Variants in DLGAP1 observed in about 807,000 individuals in gnomAD.
DLGAP1 encodes the protein DLG associated protein 1.
DLGAP1 carries 11 observed loss-of-function variants against 90.8 expected under a neutral mutation model. The observed-to-expected ratio is 0.12, with a 90% CI of 0.08 to 0.20. The LOEUF is 0.20. Ranked by LOEUF, DLGAP1 falls within the 10% of genes least tolerant of loss-of-function variation. DLGAP1 has a pLI of 1.00. For synonymous variants in DLGAP1, 558 were observed against 540.7 expected (o/e 1.03, Z -0.44); for missense variants, 1,050 against 1,333.8 (o/e 0.79, Z 3.31).
chr18:4,251,179 A>T (rs1037480099), intron 1 of DLGAP1, among the ~76,000 whole-genome samples: 1 of 152,214 alleles, frequency 6.6e-6, no homozygotes, highest in African/African-American at 2.4e-5. Context: ...GGAGAGATAG[A>T]TAGACAGAGA....
chr18:4,121,233 G>A (rs1568408144), intron 2 of DLGAP1, among the ~76,000 whole-genome samples: 1 of 152,108 alleles, frequency 6.6e-6, no homozygotes, highest in Non-Finnish European at 1.5e-5. Flanking sequence ...AACAGCAAGA[G>A]CAGAATCCCT....
intron 5 of DLGAP1, chr18:3,774,748 A>G (rs551950883): frequency 7.9e-5 from 12 of 152,342 alleles, no homozygotes; most frequent in Admixed American, 1.3e-4. Context: ...GTACCCCAAA[A>G]TATGGAGCTC....
intron 3 of DLGAP1, among the ~76,000 whole-genome samples, chr18:3,987,961 T>C (rs761148599): frequency 2.0e-5 from 3 of 152,148 alleles, no homozygotes; most frequent in Non-Finnish European, 4.4e-5. Flanking sequence ...GGGCGGGGGA[T>C]GGTTTCGGGA....
chr18:3,880,944 GAAAAAAAAAAAA>G (rs1173817359), intron 3 of DLGAP1, among the ~76,000 whole-genome samples: 1 of 38,360 alleles, frequency 2.6e-5, no homozygotes, highest in Non-Finnish European at 5.3e-5. Context: ...CTCCATCTCA[GAAAAAAAAAAAA>G]AAAAAAAAAA....
At chr18:4,114,904 A>G (rs565746073) in intron 2 of DLGAP1, among the ~76,000 whole-genome samples, 2 of 152,130 alleles carry the variant, frequency 1.3e-5, no homozygotes, top group Admixed American at 1.3e-4. Flanking sequence ...TTCCAGTCTG[A>G]TAGTCTCTGC....
rs545793621 is a variant in DLGAP1, at chr18:3,975,207, A to G, written c.-73+29909T>C. 1.4e-4 allele frequency among the ~76,000 whole-genome samples: 21 copies of G among 152,152 alleles called. No homozygotes were observed. The South Asian group carries it at 3.1e-3, about 23-fold the overall frequency. On this transcript the variant is annotated intron_variant, in intron 3 of 12. Transcript: ENST00000315677. ...TTTTTAATTACAATTAAAAATAAAAATTATATATATAAATACATATGCAAA... is the reference window on the plus strand; with the variant it reads ...TTTTTAATTACAATTAAAAATAAAAGTTATATATATAAATACATATGCAAA...
chr18:3,581,849 C>A, intron 8 of DLGAP1, 26 bp downstream of exon 8: 1 of 1,604,858 alleles, frequency 6.2e-7, no homozygotes, highest in African/African-American at 1.3e-5. Context: ...GTTCCTATTT[C>A]AAAGGATAGA....
chr18:3,669,136 T>TTTTTTTTTTTTTTTTTTTTTTTGAG (rs1555622089), intron 7 of DLGAP1, among the ~76,000 whole-genome samples: 1 of 151,404 alleles, frequency 6.6e-6, no homozygotes. Flanking sequence ...TTTCAGTCTT[T>TTTTTTTTTTTTTTTTTTTTTTTGAG]AAGAAAGACA....
intron 7 of DLGAP1, among the ~76,000 whole-genome samples, chr18:3,611,652 C>T (rs1295789857): frequency 6.6e-6 from 1 of 152,172 alleles, no homozygotes; most frequent in East Asian, 1.9e-4. Context: ...GCAGAACTTA[C>T]CACGCGTTTC....
chr18:4,385,211 T>C (rs1409035064), intron 1 of DLGAP1, among the ~76,000 whole-genome samples: 1 of 152,162 alleles, frequency 6.6e-6, no homozygotes, highest in African/African-American at 2.4e-5. Flanking sequence ...TTATTTTCAC[T>C]CTCATTTTCA....
At chr18:3,657,707 A>G (rs911177072) in intron 7 of DLGAP1, among the ~76,000 whole-genome samples, 10 of 149,054 alleles carry the variant, frequency 6.7e-5, no homozygotes, top group African/African-American at 2.5e-4. Context: ...GGTTCACGCC[A>G]TTCTCCTGCC....
chr18:3,903,505 G>A (rs1049857614), intron 3 of DLGAP1, among the ~76,000 whole-genome samples: 2 of 152,188 alleles, frequency 1.3e-5, no homozygotes, highest in Non-Finnish European at 2.9e-5. Flanking sequence ...TATTCATGCT[G>A]CAAATATGCA....
chr18:4,209,870 G>C (rs2077805721), intron 1 of DLGAP1, among the ~76,000 whole-genome samples: 1 of 152,206 alleles, frequency 6.6e-6, no homozygotes, highest in African/African-American at 2.4e-5. Flanking sequence ...CCAAAGCAAG[G>C]ACACAAAATA....
At chr18:4,303,086 C>T (rs1243686997) in intron 1 of DLGAP1, among the ~76,000 whole-genome samples, 3 of 152,066 alleles carry the variant, frequency 2.0e-5, no homozygotes, top group African/African-American at 7.2e-5. Flanking sequence ...TGCTGGGTTC[C>T]CAGTTCCCAG....
chr18:3,549,853 A>G (rs1230450049), intron 9 of DLGAP1, among the ~76,000 whole-genome samples: 1 of 152,148 alleles, frequency 6.6e-6, no homozygotes, highest in Non-Finnish European at 1.5e-5. Context: ...AACACCTAGT[A>G]TCTTAGTATG....
intron 4 of DLGAP1, among the ~76,000 whole-genome samples, chr18:3,822,157 C>T (rs1402190444): frequency 6.6e-6 from 1 of 151,954 alleles, no homozygotes; most frequent in African/African-American, 2.4e-5. Context: ...CCTGGAAGCC[C>T]GAAATTGGTG....
rs892335055 is a variant in DLGAP1, at chr18:3,691,606, A to T, written c.1591+37529T>A. Among the ~76,000 whole-genome samples the T allele has an allele frequency of 4.6e-5, 7 of 152,138 alleles. 1 individual carries two copies. Among genetic ancestry groups the T allele is most frequent in the African/African-American group, 1.7e-4 (7 of 41,434 alleles). Reference sequence around the variant, plus strand: ...AAAGAAGTCCTTTATAATTCCACCAAACATTTTAAAAAAGAATTGAGGAGG... The same window carrying T: ...AAAGAAGTCCTTTATAATTCCACCATACATTTTAAAAAAGAATTGAGGAGG... On this transcript the variant is annotated intron_variant, in intron 7 of 12. Coordinates refer to ENST00000315677, the MANE Select transcript of DLGAP1 (RefSeq NM_004746.4).
intron 5 of DLGAP1, among the ~76,000 whole-genome samples, chr18:3,748,748 A>C (rs934704606): frequency 6.6e-6 from 1 of 152,170 alleles, no homozygotes; most frequent in Non-Finnish European, 1.5e-5. Context: ...TGGTGTGGAC[A>C]ATGGTACTTA....
intron 4 of DLGAP1, among the ~76,000 whole-genome samples, chr18:3,851,963 A>G (rs914218684): frequency 6.6e-6 from 1 of 152,150 alleles, no homozygotes; most frequent in Non-Finnish European, 1.5e-5. Flanking sequence ...AGGAAGGGAC[A>G]TAAAAGATAA....
Sources: allele counts gnomAD v4.1 joint callset (sites outside exome capture counted in the v4.1 genomes callset), GRCh38; gene constraint gnomAD v4.1.1; transcripts MANE v1.5; gene names NCBI Gene and HGNC (gene_info 2026-07-23, HGNC 2026-07-21).